The following HS2ST1 variants were observed in gnomAD, a reference collection of about 807,000 sequenced individuals.
The protein encoded by HS2ST1 is heparan sulfate 2-O-sulfotransferase 1.
HS2ST1 carries 18 observed loss-of-function variants against 42.9 expected under a neutral mutation model. The observed-to-expected ratio is 0.42, with a 90% CI of 0.29 to 0.62. The LOEUF (loss-of-function observed/expected upper bound fraction) is 0.62. Ranked by LOEUF, HS2ST1 falls within the 20% of genes least tolerant of loss-of-function variation. HS2ST1 has a pLI of 0.21. For missense variants in HS2ST1, 334 were observed against 433.8 expected, an observed-to-expected ratio of 0.77 and a Z score of 2.04; for synonymous variants, 146 against 152.9, an observed-to-expected ratio of 0.95 and a Z score of 0.33.
chr1:87,002,718 C>G (rs897369097), intron 1 of HS2ST1, among the ~76,000 whole-genome samples: 3 of 151,884 alleles, frequency 2.0e-5, no homozygotes, highest in Non-Finnish European at 4.4e-5. Context: ...GCCCTTTTGA[C>G]CAAAAAGTTA....
At chr1:87,026,167 A>G (rs1001165270) in intron 1 of HS2ST1, among the ~76,000 whole-genome samples, 3 of 152,198 alleles carry the variant, frequency 2.0e-5, no homozygotes, top group South Asian at 4.1e-4. Context: ...TTACAACTAG[A>G]TATGTTCATT....
At chr1:87,047,249 G>A (rs1557527365) in intron 1 of HS2ST1, among the ~76,000 whole-genome samples, 2 of 151,966 alleles carry the variant, frequency 1.3e-5, no homozygotes, top group Non-Finnish European at 2.9e-5. Context: ...CTTTTTTGGG[G>A]AAGTGTCCAA....
intron 1 of HS2ST1, among the ~76,000 whole-genome samples, chr1:86,987,216 C>T (rs1489313386): frequency 6.6e-6 from 1 of 151,734 alleles, no homozygotes; most frequent in East Asian, 1.9e-4. Flanking sequence ...ATTACAGGTG[C>T]CCACTGCCTG....
At chr1:87,090,151 T>C (rs1651905851) in intron 3 of HS2ST1, among the ~76,000 whole-genome samples, 1 of 152,036 alleles carries the variant, frequency 6.6e-6, no homozygotes, top group South Asian at 2.1e-4. Flanking sequence ...ACTTTCTTAC[T>C]ACTCAGTGTA....
chr1:86,963,907 C>T (rs574730327), intron 1 of HS2ST1, among the ~76,000 whole-genome samples: 2 of 150,478 alleles, frequency 1.3e-5, no homozygotes, highest in East Asian at 2.0e-4. Context: ...GGCTGCCCCC[C>T]ACCTCCCGGA....
chr1:86,942,013 C>T (rs1325560568), intron 1 of HS2ST1, among the ~76,000 whole-genome samples: 1 of 152,136 alleles, frequency 6.6e-6, no homozygotes, highest in African/African-American at 2.4e-5. Context: ...GTTGATAAAA[C>T]CAGTTCTGCA....
At chr1:87,011,252 C>G (rs1280686007) in intron 1 of HS2ST1, among the ~76,000 whole-genome samples, 1 of 151,772 alleles carries the variant, frequency 6.6e-6, no homozygotes, top group African/African-American at 2.4e-5. Flanking sequence ...ATTTTTTCCT[C>G]TGGCATTCTT....
chr1:87,097,144 A>G (rs1652086496), intron 4 of HS2ST1, among the ~76,000 whole-genome samples: 1 of 152,228 alleles, frequency 6.6e-6, no homozygotes, highest in Non-Finnish European at 1.5e-5. Flanking sequence ...TAATAGTGCA[A>G]GTGGTTTATA....
At chr1:86,986,681 G>A (rs1648794524) in intron 1 of HS2ST1, among the ~76,000 whole-genome samples, 1 of 152,174 alleles carries the variant, frequency 6.6e-6, no homozygotes, top group African/African-American at 2.4e-5. Context: ...GTTGAGGATG[G>A]AGGAGTGGGA....
chr1:87,033,677 G>A (rs1368273238), intron 1 of HS2ST1, among the ~76,000 whole-genome samples: 1 of 152,022 alleles, frequency 6.6e-6, no homozygotes, highest in Non-Finnish European at 1.5e-5. Flanking sequence ...CCCAGTAGTT[G>A]GATTACAGGC....
At chr1:87,052,885 A>G (rs994239243) in intron 1 of HS2ST1, among the ~76,000 whole-genome samples, 3 of 152,208 alleles carry the variant, frequency 2.0e-5, no homozygotes, top group East Asian at 1.9e-4. Context: ...CCGATTCTCA[A>G]AGTGTTCCTG....
chr1:86,933,432 A>G (rs1660581383), intron 1 of HS2ST1, among the ~76,000 whole-genome samples: 1 of 152,212 alleles, frequency 6.6e-6, no homozygotes, highest in African/African-American at 2.4e-5. Flanking sequence ...TGCTGTGTCT[A>G]GTCTGCTGTT....
intron 1 of HS2ST1, among the ~76,000 whole-genome samples, chr1:86,974,926 A>G (rs1377349913): frequency 6.6e-6 from 1 of 152,100 alleles, no homozygotes; most frequent in Non-Finnish European, 1.5e-5. Context: ...TTTTAAATTG[A>G]TTATCTATGG....
rs909646406 is a variant in HS2ST1 at position 87,076,678 on chromosome 1, A to G, written c.363+3506A>G. 4.6e-5 allele frequency among the ~76,000 whole-genome samples: 7 copies of G among 152,352 alleles called. No individual in the cohort carries two copies. In the East Asian group the frequency reaches 1.4e-3, roughly 29 times the overall value. On this transcript the variant is annotated intron_variant, in intron 2 of 6. Coordinates refer to ENST00000370550, the MANE Select transcript of HS2ST1 (RefSeq NM_012262.4). Reference sequence around the variant, plus strand: ...TAATAGAGAGGAATTGGCAAGAGATAGGTAATCAATCAACTCTTCTAGTTG... The same window carrying G: ...TAATAGAGAGGAATTGGCAAGAGATGGGTAATCAATCAACTCTTCTAGTTG...
intron 1 of HS2ST1, among the ~76,000 whole-genome samples, chr1:86,944,024 C>CAAA: frequency 6.9e-6 from 1 of 144,798 alleles, no homozygotes; most frequent in South Asian, 2.2e-4. Flanking sequence ...AACTCTGTCT[C>CAAA]AAAAAAAAAA....
intron 1 of HS2ST1, chr1:87,045,578 TG>T (rs1650633112): frequency 2.5e-6 from 2 of 789,038 alleles, no homozygotes; most frequent in Non-Finnish European, 4.7e-6. Context: ...ACTTCTTTCT[TG>T]GATTTGCTTG....
chr1:87,028,686 ACT>A (rs1650149960), intron 1 of HS2ST1, among the ~76,000 whole-genome samples: 1 of 152,120 alleles, frequency 6.6e-6, no homozygotes, highest in Non-Finnish European at 1.5e-5. Flanking sequence ...GTTTTTGCAA[ACT>A]CTAAATTTTG....
intron 1 of HS2ST1, among the ~76,000 whole-genome samples, chr1:86,990,110 A>G (rs1347421503): frequency 1.3e-5 from 2 of 152,072 alleles, no homozygotes; most frequent in Non-Finnish European, 2.9e-5. Flanking sequence ...GTCAAATGAT[A>G]TTTCTGGTTC....
At position 86,957,449 on chromosome 1, in the gene HS2ST1, C is replaced by T. The variant is rs1277552342; in HGVS notation, c.124+42289C>T. ...AAAATGTGTAGAATAAACACAATTG[C>T]AACATGTGATGTCTCAGCTCTCTCC... On this transcript the variant is annotated intron_variant, in intron 1 of 6. Coordinates refer to ENST00000370550, the MANE Select transcript of HS2ST1 (RefSeq NM_012262.4). Among the ~76,000 whole-genome samples the T allele has an allele frequency of 2.0e-5, 3 of 152,196 alleles. No individual in the cohort carries two copies. The East Asian group carries it at 5.8e-4, about 29-fold the overall frequency.
Sources: gnomAD v4.1 joint callset for allele counts (sites outside exome capture counted in the v4.1 genomes callset) on GRCh38, gnomAD v4.1.1 for gene constraint, MANE v1.5 for transcripts, NCBI Gene and HGNC (gene_info 2026-07-23, HGNC 2026-07-21) for gene names.